SLC6A14: variants seen among roughly 807,000 people sequenced by gnomAD.
SLC6A14 encodes solute carrier family 6 member 14.
Under a neutral mutation model 51.4 loss-of-function variants are expected in SLC6A14, and 21 were observed. That is an observed-to-expected ratio of 0.41 (90% CI 0.29 to 0.59). The LOEUF is 0.59. SLC6A14 is among the 20% of genes least tolerant of loss of function. The pLI, the probability that SLC6A14 is intolerant of heterozygous loss-of-function variation, is 0.31. For missense variants in SLC6A14, 371 were observed against 472.8 expected, an observed-to-expected ratio of 0.78 and a Z score of 2.00; for synonymous variants, 177 against 160.7, an observed-to-expected ratio of 1.10 and a Z score of -0.77.
At chrX:116,444,644 A>C (rs1213463932) in intron 5 of SLC6A14, among the ~76,000 whole-genome samples, 1 of 111,840 alleles carries the variant, frequency 8.9e-6, no homozygotes, top group Non-Finnish European at 1.9e-5. Flanking sequence ...AAACAGAGGA[A>C]AGTAATAGCT....
Position 116,437,968 on chromosome X carries a change from A to ACGGGC in SLC6A14, c.214+14_214+15insGGGCC. 9.8e-6 allele frequency: 11 copies of ACGGGC among 1,122,097 alleles called. No homozygotes were observed. The highest frequency in any genetic ancestry group is 1.2e-5 in the Non-Finnish European group (10 of 840,321). The allele number at this position is 1,122,097 out of a possible 1,213,427, so 92.5% of individuals were successfully genotyped here. The stretch of plus-strand genomic sequence containing the variant: ...AGCAATGGTGGAGGTATTCTATTTC[A>ACGGGC]CCCCCACCCTCCCACCCCCGCTTTT... On this transcript the variant is annotated intron_variant, in intron 2 of 13. Transcript: ENST00000598581.
chrX:116,447,717 G>A (rs1310039102), intron 7 of SLC6A14, among the ~76,000 whole-genome samples: 10 of 109,193 alleles, frequency 9.2e-5, no homozygotes, highest in Non-Finnish European at 9.5e-5. Flanking sequence ...TGATTCAGCC[G>A]CCCAAGTAGC....
rs1328340526 is a variant in SLC6A14 at position 116,457,747 on chromosome X, A to G, written c.1753A>G (p.Ile585Val). Residue 585 changes from isoleucine (I) to valine (V), a missense_variant, in exon 13 of 14, where the codon ATA (isoleucine) becomes GTA (valine). This residue lies in a region of SLC6A14 where 94 missense variants were observed against 81.0 expected (regional missense o/e 1.16). Transcript: ENST00000598581. ...GATTCCAATTATGGCTATCATAAAA[A>G]TAATTCAGGCTAAAGGAAACATCTT... ...IWIPIMAIIKIIQAKGNIFQR... is the reference protein window; with the variant it reads ...IWIPIMAIIKVIQAKGNIFQR... 5.0e-6 allele frequency: 6 copies of G among 1,200,219 alleles called. No homozygotes were observed. The African/African-American group carries it at 7.0e-5, about 14-fold the overall frequency.
At position 116,442,855 on chromosome X, in the gene SLC6A14, T is replaced by G; in HGVS notation, c.508+7T>G. On this transcript the variant is annotated splice_region_variant and intron_variant, in intron 4 of 13. Coordinates refer to ENST00000598581, the MANE Select transcript of SLC6A14 (RefSeq NM_007231.5). ...TGTAGCAGATCACCAATAGGTAAAA[T>G]TTGTCAACACCCAAATAGTTCTTTT... 1 of 1,148,985 alleles carries G rather than the reference T, an allele frequency of 8.7e-7. No individual in the cohort carries two copies. The highest frequency in any genetic ancestry group is 3.1e-5 in the East Asian group (1 of 32,448). The allele number at this position is 1,148,985 out of a possible 1,213,427, so 94.7% of individuals were successfully genotyped here.
intron 7 of SLC6A14, 125 bp downstream of exon 7, chrX:116,447,006 A>G: frequency 1.9e-6 from 1 of 512,843 alleles, no homozygotes; most frequent in East Asian, 3.7e-5. Context: ...AGTTAAATTT[A>G]TTAGTTTCTA....
chrX:116,452,954 T>G, intron 8 of SLC6A14, 63 bp from the exon 9 acceptor site: 1 of 913,198 alleles, frequency 1.1e-6, no homozygotes, highest in South Asian at 3.0e-5. Context: ...ATCTTATGTT[T>G]TAAATGTTTA....
chrX:116,452,617 TTC>T (rs1927844965), intron 8 of SLC6A14, among the ~76,000 whole-genome samples: 1 of 112,121 alleles, frequency 8.9e-6, no homozygotes, highest in South Asian at 3.6e-4. Context: ...AAATGTATCT[TTC>T]TTTAACAGTG....
At chrX:116,452,681 T>G (rs1190477175) in intron 8 of SLC6A14, among the ~76,000 whole-genome samples, 1 of 111,916 alleles carries the variant, frequency 8.9e-6, no homozygotes, top group Non-Finnish European at 1.9e-5. Context: ...TTTACGTTTC[T>G]GGAATTTAAG....
At chrX:116,446,934 A>G in intron 7 of SLC6A14, 53 bp downstream of exon 7, 1 of 1,030,897 alleles carries the variant, frequency 9.7e-7, no homozygotes, top group Admixed American at 2.3e-5. Flanking sequence ...CTTAAAAGTA[A>G]ATGCCAAACA....
At chrX:116,445,632 T>C (rs782091963) in intron 6 of SLC6A14, among the ~76,000 whole-genome samples, 1 of 111,290 alleles carries the variant, frequency 9.0e-6, no homozygotes, top group East Asian at 2.8e-4. Context: ...TGAAAGGGCC[T>C]CTTCTGAAAA....
intron 7 of SLC6A14, 24 bp downstream of exon 7, chrX:116,446,905 A>G: frequency 1.7e-6 from 2 of 1,178,939 alleles, no homozygotes; most frequent in South Asian, 1.8e-5. Context: ...TGGATTTCAA[A>G]TTATCTGAGG....
intron 7 of SLC6A14, among the ~76,000 whole-genome samples, chrX:116,447,384 G>C (rs182428441): frequency 8.9e-6 from 1 of 111,872 alleles, no homozygotes; most frequent in African/African-American, 3.2e-5. Context: ...AATGGATTAA[G>C]CATTCCAAAA....
intron 6 of SLC6A14, 83 bp from the exon 7 acceptor site, chrX:116,446,658 C>G: frequency 1.4e-6 from 1 of 734,415 alleles, no homozygotes; most frequent in Admixed American, 2.6e-5. Context: ...TTAATCTCAA[C>G]TGGCTAATAA....
At chrX:116,444,692 CTT>C (rs1368744144) in intron 5 of SLC6A14, among the ~76,000 whole-genome samples, 3 of 111,169 alleles carry the variant, frequency 2.7e-5, no homozygotes, top group African/African-American at 9.8e-5. Flanking sequence ...TGGTTTGAAA[CTT>C]TGGATTGGCT....
intron 2 of SLC6A14, among the ~76,000 whole-genome samples, chrX:116,438,250 T>C (rs1927523374): frequency 8.9e-6 from 1 of 112,106 alleles, no homozygotes; most frequent in African/African-American, 3.2e-5. Flanking sequence ...AACTATGACA[T>C]ACTTTTCCTA....
At chrX:116,447,720 C>T (rs1300241617) in intron 7 of SLC6A14, among the ~76,000 whole-genome samples, 1 of 110,350 alleles carries the variant, frequency 9.1e-6, no homozygotes, top group African/African-American at 3.3e-5. Flanking sequence ...TTCAGCCGCC[C>T]AAGTAGCTGG....
In SLC6A14 at chrX:116,453,152, ACTTCC is replaced by A; in HGVS notation, c.1285+11_1285+15del. The A allele has an allele frequency of 5.9e-6, 7 of 1,184,888 alleles. No individual in the cohort carries two copies. Among genetic ancestry groups the A allele is most frequent in the Non-Finnish European group, 8.0e-6 (7 of 880,352 alleles). On this transcript the variant is annotated intron_variant, in intron 9 of 13. Coordinates refer to ENST00000598581, the MANE Select transcript of SLC6A14 (RefSeq NM_007231.5). ...CAGTTTGCTTCGATTGGTAAGTAAT[ACTTCC>A]AGTGGTAACATATTCCTCTTATATT...
intron 13 of SLC6A14, 41 bp from the exon 14 acceptor site, chrX:116,458,768 C>T: frequency 2.7e-6 from 3 of 1,125,342 alleles, no homozygotes; most frequent in Non-Finnish European, 3.5e-6. Context: ...GATTGTAGCA[C>T]TTAAATTCTA....
chrX:116,445,484 G>GAC (rs1927691497), intron 6 of SLC6A14, among the ~76,000 whole-genome samples: 1 of 105,589 alleles, frequency 9.5e-6, no homozygotes, highest in Non-Finnish European at 2.0e-5. Flanking sequence ...GAGAGAGAGA[G>GAC]AGAGAGAGAG....
Sources: allele counts gnomAD v4.1 joint callset (sites outside exome capture counted in the v4.1 genomes callset), GRCh38; gene constraint gnomAD v4.1.1; regional missense constraint gnomAD v4.1.1; transcripts MANE v1.5; gene names NCBI Gene and HGNC (gene_info 2026-07-23, HGNC 2026-07-21).